Variants in TULP3 observed in about 807,000 individuals in gnomAD.
TULP3 encodes TUB like protein 3, also known as tubby-related protein 3.
TULP3 carries 38 observed loss-of-function variants against 50.7 expected under a neutral mutation model. The observed-to-expected ratio is 0.75, with a 90% CI of 0.58 to 0.98. The LOEUF (loss-of-function observed/expected upper bound fraction) is 0.98, where lower values mean the gene tolerates loss of function less well. TULP3 is among the 50% of genes least tolerant of loss of function. TULP3 has a pLI of 0.00. For synonymous variants in TULP3, 183 were observed against 196.6 expected (o/e 0.93, Z 0.58); for missense variants, 550 against 568.0 (o/e 0.97, Z 0.32).
At chr12:2,892,859 T>C (rs1229567350) in intron 1 of TULP3, among the ~76,000 whole-genome samples, 1 of 146,494 alleles carries the variant, frequency 6.8e-6, no homozygotes, top group Non-Finnish European at 1.5e-5. Context: ...TTATTTTCTT[T>C]TCTTTTAATT....
In TULP3 at chr12:2,919,671, T is replaced by C. The variant is rs2300784; in HGVS notation, c.94-1092T>C. 1.7e-4 allele frequency among the ~76,000 whole-genome samples: 26 copies of C among 152,290 alleles called. No homozygotes were observed. In the East Asian group the frequency reaches 5.0e-3, roughly 29 times the overall value. Reference sequence around the variant, plus strand: ...TTTTCCTACTCTGAGTTATCCCAGATCAATAATAATTTCTATATATTATAA... The same window carrying C: ...TTTTCCTACTCTGAGTTATCCCAGACCAATAATAATTTCTATATATTATAA... On this transcript the variant is annotated intron_variant, in intron 2 of 10. Coordinates refer to ENST00000448120, the MANE Select transcript of TULP3 (RefSeq NM_003324.5).
At chr12:2,920,989 T>C in intron 3 of TULP3, 67 bp downstream of exon 3, 1 of 1,586,654 alleles carries the variant, frequency 6.3e-7, no homozygotes, top group Non-Finnish European at 8.6e-7. Context: ...GGCACGAGGA[T>C]TGTCAGACGG....
chr12:2,923,415 G>T (rs1236081765), intron 4 of TULP3, among the ~76,000 whole-genome samples: 2 of 152,122 alleles, frequency 1.3e-5, no homozygotes, highest in African/African-American at 2.4e-5. Flanking sequence ...AGCACTTTGG[G>T]AGGCCAAGGT....
At chr12:2,898,940 A>G (rs1160812768) in intron 1 of TULP3, among the ~76,000 whole-genome samples, 1 of 152,156 alleles carries the variant, frequency 6.6e-6, no homozygotes, top group Non-Finnish European at 1.5e-5. Context: ...AGGCATCGCA[A>G]AGTGCTGGGA....
chr12:2,927,562 C>T (rs1433235641), intron 4 of TULP3, among the ~76,000 whole-genome samples: 1 of 151,790 alleles, frequency 6.6e-6, no homozygotes, highest in Non-Finnish European at 1.5e-5. Context: ...ACCTTATTGG[C>T]CAGGCTGATC....
intron 4 of TULP3, among the ~76,000 whole-genome samples, chr12:2,922,922 C>T (rs1488390627): frequency 2.0e-5 from 3 of 148,730 alleles, no homozygotes; most frequent in Non-Finnish European, 3.0e-5. Flanking sequence ...GACGCGATCT[C>T]GGCTCACTGC....
At chr12:2,900,376 G>A (rs1352384586) in intron 1 of TULP3, among the ~76,000 whole-genome samples, 1 of 152,180 alleles carries the variant, frequency 6.6e-6, no homozygotes, top group Non-Finnish European at 1.5e-5. Context: ...GTTGCCTGCA[G>A]TAACCTGTAT....
At position 2,890,984 on chromosome 12, in the gene TULP3, GACAGGTCAGA is replaced by G; in HGVS notation, c.38_41+6del. On this transcript the variant is annotated splice_donor_variant and splice_donor_5th_base_variant and coding_sequence_variant and intron_variant, in exon 1 of 11. Transcript: ENST00000448120. LOFTEE classifies it high-confidence loss of function. The stretch of plus-strand genomic sequence containing the variant: ...GCGCTGCCGGCTCAGTCCCAGCGGC[GACAGGTCAGA>G]CAGGGCCGTGGCAGGTCTCCTCCTG... The G allele has an allele frequency of 6.3e-7, 1 of 1,590,594 alleles. No individual in the cohort carries two copies. The highest frequency in any genetic ancestry group is 1.3e-5 in the African/African-American group (1 of 74,168).
intron 2 of TULP3, among the ~76,000 whole-genome samples, chr12:2,917,364 C>T (rs1173033729): frequency 2.6e-5 from 4 of 151,690 alleles, no homozygotes; most frequent in African/African-American, 7.3e-5. Context: ...CCCCGCTACT[C>T]GGGAGGCTGA....
chr12:2,932,869 T>C (rs981563700), intron 6 of TULP3, among the ~76,000 whole-genome samples: 4 of 152,046 alleles, frequency 2.6e-5, no homozygotes, highest in Non-Finnish European at 5.9e-5. Flanking sequence ...TAACTAATTA[T>C]ATGGAGAATC....
chr12:2,892,186 G>A lies in TULP3; in HGVS notation c.41+1198G>A, dbSNP rs556296790. On this transcript the variant is annotated intron_variant, in intron 1 of 10. Coordinates refer to ENST00000448120, the MANE Select transcript of TULP3 (RefSeq NM_003324.5). ...TTAAAAATTGTCACAAAGTTGTTGG[G>A]GGTAAAGAACATGTATTTTCCTTTT... Among the ~76,000 whole-genome samples the A allele has an allele frequency of 1.3e-3, 205 of 152,204 alleles. 1 individual carries two copies. The highest frequency in any genetic ancestry group is 3.4e-3 in the Middle Eastern group (1 of 294).
intron 1 of TULP3, among the ~76,000 whole-genome samples, chr12:2,906,023 A>G (rs2098181989): frequency 6.7e-6 from 1 of 148,178 alleles, no homozygotes. Context: ...CCCTGTGTAA[A>G]AAAAAAAAAT....
intron 1 of TULP3, among the ~76,000 whole-genome samples, chr12:2,903,352 C>T (rs1421420266): frequency 1.3e-5 from 2 of 151,552 alleles, no homozygotes; most frequent in South Asian, 2.1e-4. Flanking sequence ...CACCTGAGGT[C>T]GGGAGTTCAA....
Position 2,934,568 on chromosome 12 carries a change from G to A in TULP3, c.924+7G>A, listed in dbSNP as rs960645788. 6.4e-7 allele frequency: 1 copy of A among 1,556,202 alleles called. No homozygotes were observed. The highest frequency in any genetic ancestry group is 8.7e-7 in the Non-Finnish European group (1 of 1,151,064). ...GCTGGCTGCCATCTCCTATGTGAGT[G>A]CTGCTTTCCCAGGGCCGCTGCCTGC... On this transcript the variant is annotated splice_region_variant and intron_variant, in intron 8 of 10. Transcript: ENST00000448120.
At chr12:2,903,989 G>A (rs2098180779) in intron 1 of TULP3, among the ~76,000 whole-genome samples, 2 of 152,004 alleles carry the variant, frequency 1.3e-5, no homozygotes. Context: ...TCACTGTGTT[G>A]GCCGGGGTGG....
chr12:2,896,248 G>C (rs2098175515), intron 1 of TULP3, among the ~76,000 whole-genome samples: 1 of 152,128 alleles, frequency 6.6e-6, no homozygotes, highest in South Asian at 2.1e-4. Context: ...CTGACAATGT[G>C]GTGTTATCAT....
chr12:2,933,370 G>C, intron 6 of TULP3, 48 bp from the exon 7 acceptor site: 1 of 1,192,266 alleles, frequency 8.4e-7, no homozygotes, highest in Non-Finnish European at 1.3e-6. Context: ...CAGAGGTGGG[G>C]CAGGTTCTCT....
chr12:2,936,323 G>A (rs2098201241), intron 8 of TULP3, among the ~76,000 whole-genome samples: 1 of 152,114 alleles, frequency 6.6e-6, no homozygotes, highest in Non-Finnish European at 1.5e-5. Context: ...AATACCTAGT[G>A]CAGGCCTTAT....
chr12:2,918,688 C>T (rs990583944), intron 2 of TULP3, among the ~76,000 whole-genome samples: 9 of 151,438 alleles, frequency 5.9e-5, no homozygotes, highest in African/African-American at 1.7e-4. Flanking sequence ...TACAGGCATG[C>T]GCCGCCACAT....
Sources: allele counts gnomAD v4.1 joint callset (sites outside exome capture counted in the v4.1 genomes callset), GRCh38; gene constraint gnomAD v4.1.1; transcripts MANE v1.5; gene names NCBI Gene and HGNC (gene_info 2026-07-23, HGNC 2026-07-21).